The following PLD1 variants were observed in gnomAD, a reference collection of about 807,000 sequenced individuals.
PLD1 encodes the protein choline phosphatase 1.
In PLD1, 112 loss-of-function variants were observed where a neutral mutation model predicts 137.1. That is an observed-to-expected ratio of 0.82 (90% confidence interval 0.70 to 0.96). The LOEUF (loss-of-function observed/expected upper bound fraction) is 0.96. Ranked by LOEUF, PLD1 falls within the 40% of genes least tolerant of loss-of-function variation. The probability of loss-of-function intolerance (pLI) is 0.00; values close to 1 mark genes in which losing one functional copy is unlikely to be tolerated. For missense variants in PLD1, 1,321 were observed against 1,342.0 expected (o/e 0.98, Z 0.24); for synonymous variants, 431 against 454.7 (o/e 0.95, Z 0.66).
At chr3:171,770,007 T>A (rs1239611337) in intron 1 of PLD1, among the ~76,000 whole-genome samples, 1 of 152,180 alleles carries the variant, frequency 6.6e-6, no homozygotes, top group Non-Finnish European at 1.5e-5. Flanking sequence ...ATTGAACTAC[T>A]CCTATAGAAC....
chr3:171,782,090 C>T (rs1488702870), intron 1 of PLD1, among the ~76,000 whole-genome samples: 3 of 152,210 alleles, frequency 2.0e-5, no homozygotes, highest in Non-Finnish European at 4.4e-5. Flanking sequence ...GATATGAATA[C>T]ATCTCAGAAA....
At chr3:171,659,574 T>C (rs1578208153) in intron 20 of PLD1, among the ~76,000 whole-genome samples, 1 of 152,230 alleles carries the variant, frequency 6.6e-6, no homozygotes, top group East Asian at 1.9e-4. Context: ...GGTGATTTTC[T>C]AAATTACATT....
intron 1 of PLD1, among the ~76,000 whole-genome samples, chr3:171,745,587 T>A (rs1181559447): frequency 6.6e-6 from 1 of 152,246 alleles, no homozygotes; most frequent in East Asian, 1.9e-4. Context: ...TCAGAGGCAC[T>A]GGCACATCCA....
chr3:171,698,925 G>A (rs565620562), intron 12 of PLD1, among the ~76,000 whole-genome samples: 5 of 144,496 alleles, frequency 3.5e-5, no homozygotes, highest in Admixed American at 7.2e-5. Context: ...GCAGTGAGCC[G>A]AGACTGCACC....
At chr3:171,792,651 CT>C (rs1723262607) in intron 1 of PLD1, 1 of 456,618 alleles carries the variant, frequency 2.2e-6, no homozygotes, top group Non-Finnish European at 4.4e-6. Flanking sequence ...GTCTTTCCCC[CT>C]GCCTCTGTGA....
rs114182043 is a variant in PLD1 at position 171,710,492 on chromosome 3, G to A, written c.912-783C>T. On this transcript the variant is annotated intron_variant, in intron 9 of 26. Transcript: ENST00000351298. ...GAGGAGCGCGCAGCCGAGATCCCGC[G>A]CATGTGCAATCCACAATAGGGTTCG... Among the ~76,000 whole-genome samples, 937 of 152,262 alleles carry A rather than the reference G, an allele frequency of 6.2e-3. 7 individuals are homozygous for A. The highest frequency in any genetic ancestry group is 0.022 in the African/African-American group (898 of 41,560).
chr3:171,700,038 C>T (rs1392060593), intron 11 of PLD1, among the ~76,000 whole-genome samples: 1 of 151,810 alleles, frequency 6.6e-6, no homozygotes, highest in Non-Finnish European at 1.5e-5. Flanking sequence ...AGTTCTTTCT[C>T]TCTCTCTCTC....
At chr3:171,625,632 C>T (rs530631046) in intron 23 of PLD1, among the ~76,000 whole-genome samples, 8 of 152,222 alleles carry the variant, frequency 5.3e-5, no homozygotes, top group African/African-American at 1.2e-4. Flanking sequence ...CTCACACGGC[C>T]GGGTACTCCT....
At chr3:171,668,320 G>T (rs1712371664) in intron 19 of PLD1, among the ~76,000 whole-genome samples, 1 of 152,140 alleles carries the variant, frequency 6.6e-6, no homozygotes, top group Non-Finnish European at 1.5e-5. Context: ...CATGGAAATG[G>T]ACAAGGTGGA....
chr3:171,603,583 T>C (rs987290376), intron 26 of PLD1, among the ~76,000 whole-genome samples: 2 of 152,184 alleles, frequency 1.3e-5, no homozygotes, highest in Non-Finnish European at 2.9e-5. Context: ...TTTTGGATAA[T>C]AATCATCCCT....
At position 171,612,164 on chromosome 3, in the gene PLD1, C is replaced by T. The variant is rs571528857; in HGVS notation, c.2882+115G>A. 6 of 851,746 alleles carry T rather than the reference C, an allele frequency of 7.0e-6. No individual in the cohort carries two copies. The Admixed American group carries it at 9.2e-5, about 13-fold the overall frequency. 52.8% of individuals were successfully genotyped at this position (851,746 alleles called of 1,614,324 possible). On this transcript the variant is annotated intron_variant, in intron 25 of 26. Transcript: ENST00000351298. This position sits in a 1 kb window ranked among gnomAD's most constrained non-coding sequence, Gnocchi z 4.1. Reference sequence around the variant, plus strand: ...TACATATCCTATATTCTGGGACACACTGTTTTAGATGAAGAAGAACCTAGG... The same window carrying T: ...TACATATCCTATATTCTGGGACACATTGTTTTAGATGAAGAAGAACCTAGG...
intron 11 of PLD1, among the ~76,000 whole-genome samples, chr3:171,702,547 A>G (rs1321798173): frequency 6.6e-6 from 1 of 152,082 alleles, no homozygotes; most frequent in Non-Finnish European, 1.5e-5. Flanking sequence ...CATTATAATT[A>G]TATTAAATGA....
intron 23 of PLD1, among the ~76,000 whole-genome samples, chr3:171,639,603 A>G: frequency 1.2e-5 from 1 of 85,236 alleles, no homozygotes; most frequent in East Asian, 2.9e-4. Flanking sequence ...ATATTCATAT[A>G]ATATATATTA....
At chr3:171,773,586 A>G (rs1332518814) in intron 1 of PLD1, among the ~76,000 whole-genome samples, 1 of 152,056 alleles carries the variant, frequency 6.6e-6, no homozygotes, top group Non-Finnish European at 1.5e-5. Context: ...TGGGCAACAG[A>G]GCGAGACTCC....
rs755831248 is a variant in PLD1 at position 171,737,981 on chromosome 3, A to G, written c.71T>C (p.Ile24Thr). Residue 24 changes from isoleucine (I) to threonine (T), a missense_variant, in exon 2 of 27, where the codon ATC becomes ACC. Physicochemically the swap from Ile to Thr is moderately conservative, Grantham distance 89. Coordinates refer to ENST00000351298, the MANE Select transcript of PLD1 (RefSeq NM_002662.5). ...TTCCCGCGTGTCCAGATTTTCTATG[A>G]TATTACTCATGTCAGCAGCAATTTT... ...LQKIAADMSN[I>T]IENLDTRELH... is the part of the protein sequence containing the mutation. 2 of 1,613,998 alleles carry G rather than the reference A, an allele frequency of 1.2e-6. No individual in the cohort carries two copies. Among genetic ancestry groups the G allele is most frequent in the African/African-American group, 1.3e-5 (1 of 75,030 alleles).
At chr3:171,767,915 C>A (rs1722083477) in intron 1 of PLD1, among the ~76,000 whole-genome samples, 1 of 151,740 alleles carries the variant, frequency 6.6e-6, no homozygotes, top group Admixed American at 6.6e-5. Flanking sequence ...TGCACTCCAG[C>A]CTGGGCAACA....
intron 1 of PLD1, among the ~76,000 whole-genome samples, chr3:171,800,269 C>T (rs766318674): frequency 2.0e-5 from 3 of 151,992 alleles, no homozygotes; most frequent in Non-Finnish European, 2.9e-5. Context: ...AGTGAAGTGG[C>T]GTGATCTCGG....
intron 17 of PLD1, 61 bp downstream of exon 17, chr3:171,677,505 G>T: frequency 6.6e-7 from 1 of 1,514,612 alleles, no homozygotes; most frequent in Non-Finnish European, 9.0e-7. Flanking sequence ...ATGTATACTT[G>T]CTGAGATGTT....
chr3:171,648,833 C>T (rs957122189), intron 21 of PLD1, among the ~76,000 whole-genome samples: 9 of 152,262 alleles, frequency 5.9e-5, no homozygotes, highest in African/African-American at 2.2e-4. Context: ...GTATTACAGG[C>T]GTGAGCCACC....
Sources: allele counts gnomAD v4.1 joint callset (sites outside exome capture counted in the v4.1 genomes callset), GRCh38; gene constraint gnomAD v4.1.1; non-coding constraint Gnocchi (gnomAD v3.1); transcripts MANE v1.5; gene names NCBI Gene and HGNC (gene_info 2026-07-23, HGNC 2026-07-21).